The following NDUFS2 variants were observed in gnomAD, a reference collection of about 807,000 sequenced individuals.
The protein encoded by NDUFS2 is NADH dehydrogenase [ubiquinone] iron-sulfur protein 2, mitochondrial.
A neutral mutation model predicts 69.6 loss-of-function variants in NDUFS2; 38 were observed. The observed-to-expected ratio is 0.55, with a 90% CI of 0.42 to 0.72. NDUFS2 has a LOEUF of 0.72. NDUFS2 is among the 30% of genes least tolerant of loss of function. NDUFS2 has a pLI of 0.00. For missense variants in NDUFS2, 468 were observed against 595.0 expected, an observed-to-expected ratio of 0.79 and a Z score of 2.22; for synonymous variants, 194 against 211.2, an observed-to-expected ratio of 0.92 and a Z score of 0.70.
In NDUFS2 at chr1:161,210,718, C is replaced by G; in HGVS notation, c.986+8C>G. 6.2e-7 allele frequency: 1 copy of G among 1,613,922 alleles called. No homozygotes were observed. Among genetic ancestry groups the G allele is most frequent in the Non-Finnish European group, 8.5e-7 (1 of 1,179,936 alleles). On this transcript the variant is annotated splice_region_variant and intron_variant, in intron 9 of 13. Transcript: ENST00000676972. Reference sequence around the variant, plus strand: ...AGGGGACTGCTATGATAGGTAAGGCCCCAATCCTTTCTTGGCTGATATTCC... The same window carrying G: ...AGGGGACTGCTATGATAGGTAAGGCGCCAATCCTTTCTTGGCTGATATTCC...
chr1:161,214,269 C>CTGTGTGTGTG lies in NDUFS2; in HGVS notation c.*98_*107dup, dbSNP rs10629771. On this transcript the variant is annotated 3_prime_UTR_variant, in exon 14 of 14. Coordinates refer to ENST00000676972, the MANE Select transcript of NDUFS2 (RefSeq NM_001377299.1). ...CCTGTTCCTCACTGGAAATTGGCCT[C>CTGTGTGTGTG]TGTGTGTGTGTGTGTGTGTGTGTGT... 6.3e-3 allele frequency: 5,637 copies of CTGTGTGTGTG among 895,258 alleles called. 6 individuals carry two copies. The highest frequency in any genetic ancestry group is 0.017 in the African/African-American group (991 of 59,154). 55.5% of individuals were successfully genotyped at this position (895,258 alleles called of 1,614,324 possible).
At position 161,212,360 on chromosome 1, in the gene NDUFS2, C is replaced by T. The variant is rs749028240; in HGVS notation, c.996C>T (p.Cys332=). The T allele has an allele frequency of 1.9e-6, 3 of 1,613,310 alleles. No individual in the cohort carries two copies. Among genetic ancestry groups the T allele is most frequent in the South Asian group, 1.1e-5 (1 of 91,062 alleles). ...SRGDCYDRYL[C]RVEEMRQSLR... is the part of the protein sequence containing the mutation. The stretch of plus-strand genomic sequence containing the variant: ...GTCTCATCTTCTTGAGGTACCTGTG[C>T]CGGGTGGAGGAGATGCGCCAGTCCC... The change falls in exon 10 of 14, where the codon TGC becomes TGT. Residue 332 remains cysteine, a synonymous_variant. Coordinates refer to ENST00000676972, the MANE Select transcript of NDUFS2 (RefSeq NM_001377299.1).
At position 161,210,340 on chromosome 1, in the gene NDUFS2, A is replaced by G. The variant is rs1319994113; in HGVS notation, c.817A>G (p.Ile273Val). 2 of 1,613,902 alleles carry G rather than the reference A, an allele frequency of 1.2e-6. No individual in the cohort carries two copies. Among genetic ancestry groups the G allele is most frequent in the Non-Finnish European group, 1.7e-6 (2 of 1,180,020 alleles). Reference sequence around the variant, plus strand: ...CAATAGGATCTGGCGAAATCGGACAATTGACATTGGGGTTGTAACAGCAGA... The same window carrying G: ...CAATAGGATCTGGCGAAATCGGACAGTTGACATTGGGGTTGTAACAGCAGA... ...TNNRIWRNRT[I>V]DIGVVTAEEA... is the part of the protein sequence containing the mutation. The change falls in exon 8 of 14, where the codon ATT becomes GTT. Residue 273 changes from isoleucine (I) to valine (V), a missense_variant. Physicochemically the swap from Ile to Val is conservative, Grantham distance 29 (BLOSUM62 3). This residue lies in a region of NDUFS2 where 339 missense variants were observed against 433.8 expected (regional missense o/e 0.78). Transcript: ENST00000676972.
At chr1:161,205,284 T>C (rs1441448772) in intron 2 of NDUFS2, among the ~76,000 whole-genome samples, 2 of 152,222 alleles carry the variant, frequency 1.3e-5, no homozygotes, top group Non-Finnish European at 2.9e-5. Flanking sequence ...TAATGATATG[T>C]ACAGATAATT....
At chr1:161,202,035 G>A (rs1665153752), upstream of NDUFS2, 1 of 410,730 alleles carries the variant, frequency 2.4e-6, no homozygotes, top group African/African-American at 2.0e-5. Context: ...AAGGCGGAAG[G>A]GAGTAGGGAA....
chr1:161,203,334 A>C (rs1665263088), intron 1 of NDUFS2, 103 bp from the exon 2 acceptor site: 1 of 1,000,402 alleles, frequency 1.0e-6, no homozygotes, highest in Admixed American at 1.9e-5. Flanking sequence ...AAACAAAACA[A>C]AAAAACAGGT....
At chr1:161,210,476 G>C (rs575780957) in intron 8 of NDUFS2, 87 bp downstream of exon 8, 1 of 1,601,776 alleles carries the variant, frequency 6.2e-7, no homozygotes, top group African/African-American at 1.3e-5. Flanking sequence ...AGACTTGTTG[G>C]CATCCTCCTA....
At chr1:161,210,774 T>A in intron 9 of NDUFS2, 64 bp downstream of exon 9, 1 of 1,611,030 alleles carries the variant, frequency 6.2e-7, no homozygotes, top group Non-Finnish European at 8.5e-7. Flanking sequence ...CTCTTCTCTT[T>A]GCCACTTCCT....
chr1:161,209,189 C>G lies in NDUFS2; in HGVS notation c.394-4C>G. On this transcript the variant is annotated splice_polypyrimidine_tract_variant and splice_region_variant and intron_variant, in intron 3 of 13. Transcript: ENST00000676972. ...ATGTGACCCACATTCCTCCCTCTTC[C>G]CAGGCCCTTCCATACTTTGACCGGC... The G allele has an allele frequency of 6.2e-7, 1 of 1,614,184 alleles. No individual in the cohort carries two copies. Among genetic ancestry groups the G allele is most frequent in the Admixed American group, 1.7e-5 (1 of 60,014 alleles).
upstream of NDUFS2, chr1:161,202,231 T>A (rs181973897): frequency 5.5e-6 from 4 of 730,064 alleles, no homozygotes; most frequent in East Asian, 1.1e-4. Context: ...TGAAGCCGAG[T>A]CACAGGACCC....
chr1:161,204,530 A>G (rs188386279), intron 2 of NDUFS2, among the ~76,000 whole-genome samples: 6 of 152,122 alleles, frequency 3.9e-5, no homozygotes, highest in Admixed American at 1.3e-4. Context: ...TCCCCTTTCC[A>G]TCTATCCTAT....
upstream of NDUFS2, among the ~76,000 whole-genome samples, chr1:161,200,691 C>T (rs563942166): frequency 6.6e-6 from 1 of 152,080 alleles, no homozygotes; most frequent in Non-Finnish European, 1.5e-5. Flanking sequence ...TCTAAGCCAA[C>T]GGGGCTGGGA....
upstream of NDUFS2, chr1:161,202,303 C>G (rs1487548828): frequency 2.9e-6 from 4 of 1,376,948 alleles, no homozygotes; most frequent in Non-Finnish European, 4.0e-6. Context: ...CTTCACTGTG[C>G]GAATAGGTGA....
chr1:161,201,706 C>T (rs1235106877), upstream of NDUFS2, among the ~76,000 whole-genome samples: 3 of 152,178 alleles, frequency 2.0e-5, no homozygotes, highest in East Asian at 1.9e-4. Context: ...GTCAGGGTCA[C>T]CCACAGAGGA....
At chr1:161,203,751 C>T (rs1324503371) in intron 2 of NDUFS2, 1 of 596,600 alleles carries the variant, frequency 1.7e-6, no homozygotes, top group Non-Finnish European at 3.0e-6. Flanking sequence ...CCTGTGCCAC[C>T]ACAACTGGCT....
In NDUFS2 at chr1:161,211,839, G is replaced by T. The variant is rs574198219; in HGVS notation, c.987-512G>T. Among the ~76,000 whole-genome samples, 14 of 152,206 alleles carry T rather than the reference G, an allele frequency of 9.2e-5. 1 individual carries two copies. In the South Asian group the frequency reaches 1.9e-3, roughly 20 times the overall value. On this transcript the variant is annotated intron_variant, in intron 9 of 13. Transcript: ENST00000676972. Reference sequence around the variant, plus strand: ...TGTGGTCCAAAAAGTGCTTAAGGAGGTAATTAAAGAAATAAATACTACAGG... The same window carrying T: ...TGTGGTCCAAAAAGTGCTTAAGGAGTTAATTAAAGAAATAAATACTACAGG...
At chr1:161,212,655 G>A (rs886732973) in intron 10 of NDUFS2, 175 bp downstream of exon 10, 3 of 716,518 alleles carry the variant, frequency 4.2e-6, no homozygotes, top group Non-Finnish European at 6.5e-6. Context: ...CGCCTCCCAG[G>A]TTCAAGCAAT....
chr1:161,213,663 G>A lies in NDUFS2; in HGVS notation c.1227G>A (p.Val409=), dbSNP rs750298979. 1.9e-5 allele frequency: 30 copies of A among 1,614,108 alleles called. No individual in the cohort carries two copies. The highest frequency in any genetic ancestry group is 2.5e-5 in the Non-Finnish European group (29 of 1,180,036). ...AIEAPKGEFG[V]YLVSDGSSRP... ...TCCTTGAACAGGGAGAGTTTGGGGT[G>A]TACCTGGTGTCTGATGGCAGCAGCC... The change falls in exon 12 of 14, where the codon GTG becomes GTA. Residue 409 remains valine (V), a synonymous_variant. Coordinates refer to ENST00000676972, the MANE Select transcript of NDUFS2 (RefSeq NM_001377299.1).
chr1:161,204,393 G>A (rs980069247), intron 2 of NDUFS2, among the ~76,000 whole-genome samples: 6 of 152,018 alleles, frequency 3.9e-5, no homozygotes, highest in African/African-American at 1.5e-4. Context: ...AGATACTTTC[G>A]TAATGTCTCA....
Sources: allele counts gnomAD v4.1 joint callset (sites outside exome capture counted in the v4.1 genomes callset), GRCh38; gene constraint gnomAD v4.1.1; regional missense constraint gnomAD v4.1.1; transcripts MANE v1.5; gene names NCBI Gene and HGNC (gene_info 2026-07-23, HGNC 2026-07-21).